The following SARNP variants were observed in gnomAD, a reference collection of about 807,000 sequenced individuals.
The protein encoded by SARNP is SAP domain containing ribonucleoprotein.
SARNP carries 5 observed loss-of-function variants against 38.1 expected under a neutral mutation model. The ratio of observed to expected loss-of-function variants is 0.13; its 90% CI spans 0.07 to 0.28. The LOEUF (loss-of-function observed/expected upper bound fraction) is 0.28, where lower values mean the gene tolerates loss of function less well. Ranked by LOEUF, SARNP falls within the 10% of genes least tolerant of loss-of-function variation. SARNP has a pLI of 1.00. For missense variants in SARNP, 180 were observed against 243.9 expected, an observed-to-expected ratio of 0.74 and a Z score of 1.75; for synonymous variants, 84 against 80.6, an observed-to-expected ratio of 1.04 and a Z score of -0.23.
chr12:55,796,155 T>C (rs1246702552), intron 4 of SARNP, 79 bp from the exon 5 acceptor site: 7 of 998,554 alleles, frequency 7.0e-6, no homozygotes, highest in Non-Finnish European at 7.8e-6. Flanking sequence ...AGAATTCACC[T>C]GAGTCACCAT....
At chr12:55,805,681 T>C (rs1409870653) in intron 1 of SARNP, among the ~76,000 whole-genome samples, 3 of 152,182 alleles carry the variant, frequency 2.0e-5, no homozygotes, top group African/African-American at 7.2e-5. Context: ...ACCCTGTCTC[T>C]ACTAAAAATA....
At chr12:55,810,815 G>A (rs1313522075) in intron 1 of SARNP, among the ~76,000 whole-genome samples, 7 of 150,986 alleles carry the variant, frequency 4.6e-5, no homozygotes, top group African/African-American at 1.5e-4. Flanking sequence ...GGTGGCTCAC[G>A]CCTGTAATCC....
At chr12:55,781,280 A>C (rs988993486) in intron 9 of SARNP, among the ~76,000 whole-genome samples, 73 of 152,208 alleles carry the variant, frequency 4.8e-4, no homozygotes, top group African/African-American at 1.5e-3. Context: ...CTCAAAAACA[A>C]GGCAGGTCCC....
intron 9 of SARNP, among the ~76,000 whole-genome samples, chr12:55,788,351 ATCC>A (rs1028823244): frequency 2.0e-5 from 3 of 152,080 alleles, no homozygotes; most frequent in African/African-American, 7.2e-5. Context: ...TGTTCCACCA[ATCC>A]TCCAAGTTTT....
At chr12:55,786,559 C>T (rs1879502169) in intron 9 of SARNP, among the ~76,000 whole-genome samples, 1 of 152,222 alleles carries the variant, frequency 6.6e-6, no homozygotes, top group South Asian at 2.1e-4. Context: ...AAGCGATTCT[C>T]CTGCCTCAGC....
intron 2 of SARNP, among the ~76,000 whole-genome samples, chr12:55,801,261 C>T (rs1369733162): frequency 6.6e-6 from 1 of 152,054 alleles, no homozygotes; most frequent in African/African-American, 2.4e-5. Context: ...GGGAACACAG[C>T]GAAACCCCGT....
chr12:55,804,084 T>C (rs989778648), intron 1 of SARNP, among the ~76,000 whole-genome samples: 1 of 152,204 alleles, frequency 6.6e-6, no homozygotes, highest in Non-Finnish European at 1.5e-5. Flanking sequence ...ATTGGAAGAA[T>C]GAACCTTCAA....
intron 1 of SARNP, among the ~76,000 whole-genome samples, chr12:55,804,288 G>A (rs375006464): frequency 4.8e-4 from 73 of 152,230 alleles, no homozygotes; most frequent in African/African-American, 1.7e-3. Context: ...GCATACCATA[G>A]AGTTCTGCTG....
chr12:55,791,186 A>C (rs1592571751), intron 7 of SARNP, among the ~76,000 whole-genome samples: 2 of 152,190 alleles, frequency 1.3e-5, no homozygotes, highest in Admixed American at 1.3e-4. Flanking sequence ...CTGGGCAGGG[A>C]GAGGTAATGG....
chr12:55,781,491 G>A (rs988962563), intron 9 of SARNP, among the ~76,000 whole-genome samples: 10 of 149,406 alleles, frequency 6.7e-5, no homozygotes, highest in Non-Finnish European at 1.0e-4. Context: ...CTGAGATTGC[G>A]CTGCTCCACT....
chr12:55,764,011 G>A (rs890654202), intron 9 of SARNP, among the ~76,000 whole-genome samples: 1 of 152,112 alleles, frequency 6.6e-6, no homozygotes, highest in Non-Finnish European at 1.5e-5. Flanking sequence ...AGGATCACTA[G>A]AACCCTTAGC....
intron 9 of SARNP, among the ~76,000 whole-genome samples, chr12:55,787,371 T>G (rs1228284374): frequency 1.3e-5 from 2 of 152,148 alleles, no homozygotes; most frequent in African/African-American, 4.8e-5. Context: ...ATATAACCAA[T>G]GTCAGGTAAG....
intron 1 of SARNP, among the ~76,000 whole-genome samples, chr12:55,805,931 G>A (rs1430361662): frequency 6.6e-6 from 1 of 152,018 alleles, no homozygotes; most frequent in African/African-American, 2.4e-5. Context: ...CAGCTATTGA[G>A]GAGGCTGAGG....
chr12:55,810,802 C>T (rs959933268), intron 1 of SARNP, among the ~76,000 whole-genome samples: 26 of 151,594 alleles, frequency 1.7e-4, no homozygotes, highest in African/African-American at 5.8e-4. Flanking sequence ...GTTGGCCAGG[C>T]GCGGTGGCTC....
intron 9 of SARNP, among the ~76,000 whole-genome samples, chr12:55,774,590 A>AAAC (rs1565673595): frequency 6.7e-6 from 1 of 148,748 alleles, no homozygotes; most frequent in African/African-American, 2.5e-5. Flanking sequence ...AAAAAAAAAA[A>AAAC]AACAAAAATT....
At chr12:55,815,154 C>T (rs539858454) in intron 1 of SARNP, among the ~76,000 whole-genome samples, 19 of 152,244 alleles carry the variant, frequency 1.2e-4, no homozygotes, top group Non-Finnish European at 2.5e-4. Context: ...GCCTCCCAGG[C>T]TCAAGCAATC....
chr12:55,776,500 C>T (rs1442642929), intron 9 of SARNP, among the ~76,000 whole-genome samples: 3 of 152,168 alleles, frequency 2.0e-5, no homozygotes, highest in African/African-American at 7.2e-5. Context: ...TTTAAATCAT[C>T]TCTAGAGTAC....
intron 1 of SARNP, among the ~76,000 whole-genome samples, chr12:55,804,047 TC>T (rs1375067664): frequency 6.6e-6 from 1 of 152,204 alleles, no homozygotes; most frequent in East Asian, 1.9e-4. Context: ...AAGGTTTTTT[TC>T]TTAAGACTAC....
At chr12:55,797,750 T>C (rs1415568147) in intron 4 of SARNP, among the ~76,000 whole-genome samples, 2 of 152,160 alleles carry the variant, frequency 1.3e-5, no homozygotes, top group African/African-American at 4.8e-5. Context: ...CTGGGATGCA[T>C]GGGAAATTTC....
Sources: gnomAD v4.1 joint callset for allele counts (sites outside exome capture counted in the v4.1 genomes callset) on GRCh38, gnomAD v4.1.1 for gene constraint, MANE v1.5 for transcripts, NCBI Gene and HGNC (gene_info 2026-07-23, HGNC 2026-07-21) for gene names.